The following NALCN variants were observed in gnomAD, a reference collection of about 807,000 sequenced individuals.
The protein encoded by NALCN is sodium leak channel, non-selective.
Under a neutral mutation model 225.3 loss-of-function variants are expected in NALCN, and 111 were observed. The ratio of observed to expected loss-of-function variants is 0.49; its 90% CI spans 0.42 to 0.58. The LOEUF (loss-of-function observed/expected upper bound fraction) is 0.58. Among genes scored for constraint, NALCN ranks in the 20% least tolerant of loss-of-function variants. NALCN has a pLI of 0.00. For missense variants in NALCN, 1,378 were observed against 2,202.4 expected, an observed-to-expected ratio of 0.63 and a Z score of 7.49; for synonymous variants, 764 against 769.0, an observed-to-expected ratio of 0.99 and a Z score of 0.11.
chr13:101,106,760 T>G (rs1018721213), intron 22 of NALCN, among the ~76,000 whole-genome samples: 8 of 152,344 alleles, frequency 5.3e-5, no homozygotes, highest in African/African-American at 1.9e-4. Context: ...CCACCATGAT[T>G]GAAAGGCTTC....
At chr13:101,291,412 A>C (rs1303025014) in intron 9 of NALCN, among the ~76,000 whole-genome samples, 1 of 152,186 alleles carries the variant, frequency 6.6e-6, no homozygotes, top group Non-Finnish European at 1.5e-5. Flanking sequence ...GTATGTAATA[A>C]ATGTGGTTGA....
intron 10 of NALCN, among the ~76,000 whole-genome samples, chr13:101,269,240 A>T (rs886542715): frequency 7.4e-6 from 1 of 135,918 alleles, no homozygotes. Flanking sequence ...ATATATATAT[A>T]TTTTAGCCTG....
intron 20 of NALCN, among the ~76,000 whole-genome samples, chr13:101,109,774 T>C (rs1278096187): frequency 6.6e-6 from 1 of 152,200 alleles, no homozygotes; most frequent in Non-Finnish European, 1.5e-5. Context: ...ATTTTTTTCA[T>C]GTCTCCTTCA....
chr13:101,081,710 A>C, intron 33 of NALCN, 64 bp from the exon 34 acceptor site: 1 of 1,571,748 alleles, frequency 6.4e-7, no homozygotes, highest in Non-Finnish European at 8.7e-7. Context: ...AAATGTATTA[A>C]CTTGAGATGC....
chr13:101,348,011 T>A (rs1229606007), intron 6 of NALCN, among the ~76,000 whole-genome samples: 2 of 152,248 alleles, frequency 1.3e-5, no homozygotes, highest in East Asian at 3.9e-4. Flanking sequence ...ACTATATGGA[T>A]CACCTAGTTC....
At chr13:101,058,431 C>CTTTTTTAATGA in intron 42 of NALCN, 1 of 149,838 alleles carries the variant, frequency 6.7e-6, no homozygotes, top group South Asian at 1.9e-4. Context: ...CGGGGGCAGT[C>CTTTTTTAATGA]TACTGTCACC....
rs539060675 is a variant in NALCN, at chr13:101,374,361, C to T, written c.644+2339G>A. On this transcript the variant is annotated intron_variant, in intron 6 of 43. Transcript: ENST00000251127. The stretch of plus-strand genomic sequence containing the variant: ...CGCGATCTCAGCTCACTGCAACCTC[C>T]GCCTTCTGGATTCAAGCAATTCTCT... Among the ~76,000 whole-genome samples the T allele has an allele frequency of 1.2e-4, 18 of 150,902 alleles. No individual in the cohort carries two copies. The South Asian group carries it at 1.5e-3, about 12-fold the overall frequency.
Position 101,337,808 on chromosome 13 carries a change from C to T in NALCN, c.799+7458G>A, listed in dbSNP as rs868076601. Among the ~76,000 whole-genome samples, 11 of 152,262 alleles carry T rather than the reference C, an allele frequency of 7.2e-5. No homozygotes were observed. In the South Asian group the frequency reaches 1.7e-3, roughly 23 times the overall value. On this transcript the variant is annotated intron_variant, in intron 7 of 43. Transcript: ENST00000251127. ...TACTCATGGCTGGCTACTCTGGTAA[C>T]GTAGTAGTTTGTAGATCAAGAGCAC...
intron 26 of NALCN, among the ~76,000 whole-genome samples, 178 bp from the exon 27 acceptor site, chr13:101,101,066 AG>A (rs1338905212): frequency 6.6e-6 from 1 of 152,172 alleles, no homozygotes; most frequent in Non-Finnish European, 1.5e-5. Flanking sequence ...GAAGGTCAAA[AG>A]GAGAAAATTA....
At chr13:101,260,365 T>C (rs1313872877) in intron 10 of NALCN, among the ~76,000 whole-genome samples, 2 of 152,228 alleles carry the variant, frequency 1.3e-5, no homozygotes, top group African/African-American at 4.8e-5. Flanking sequence ...TATACTTATT[T>C]CCTTTCTTTT....
At chr13:101,150,057 T>A (rs1258066393) in intron 15 of NALCN, among the ~76,000 whole-genome samples, 1 of 148,506 alleles carries the variant, frequency 6.7e-6, no homozygotes, top group Non-Finnish European at 1.5e-5. Flanking sequence ...TTTATTTAAA[T>A]ATTTGAATGA....
At chr13:101,345,749 T>C (rs1594715609) in intron 6 of NALCN, among the ~76,000 whole-genome samples, 1 of 116,678 alleles carries the variant, frequency 8.6e-6, no homozygotes, top group South Asian at 2.7e-4. Context: ...TATATATATA[T>C]ATATATATAT....
At chr13:101,176,629 A>C (rs1481849750) in intron 14 of NALCN, among the ~76,000 whole-genome samples, 1 of 152,252 alleles carries the variant, frequency 6.6e-6, no homozygotes, top group Non-Finnish European at 1.5e-5. Flanking sequence ...ATTAAGAAAA[A>C]GGTTTTTTTG....
chr13:101,089,975 C>G lies in NALCN; in HGVS notation c.3270-9G>C. ...AGTTCCGAGGATTCGCCCTGCGATT[C>G]CAATACAGGAATGTTCTGTGAAATT... On this transcript the variant is annotated splice_polypyrimidine_tract_variant and intron_variant, in intron 28 of 43. Coordinates refer to ENST00000251127, the MANE Select transcript of NALCN (RefSeq NM_052867.4). This position sits in a 1 kb window ranked among gnomAD's most constrained non-coding sequence, Gnocchi z 4.7. 6.2e-7 allele frequency: 1 copy of G among 1,613,796 alleles called. No homozygotes were observed. The highest frequency in any genetic ancestry group is 8.5e-7 in the Non-Finnish European group (1 of 1,179,814).
intron 2 of NALCN, among the ~76,000 whole-genome samples, chr13:101,397,585 TATGTGTA>T (rs2047350931): frequency 6.6e-6 from 1 of 151,230 alleles, no homozygotes; most frequent in South Asian, 2.1e-4. Context: ...CATATATGTG[TATGTGTA>T]ATGTGTATAT....
At chr13:101,086,623 C>T (rs1446952388) in intron 30 of NALCN, among the ~76,000 whole-genome samples, 2 of 152,046 alleles carry the variant, frequency 1.3e-5, no homozygotes, top group Admixed American at 1.3e-4. Context: ...TTTCCTTATA[C>T]ATTCACTTGA....
intron 1 of NALCN, among the ~76,000 whole-genome samples, chr13:101,415,056 G>C (rs1425273488): frequency 6.7e-6 from 1 of 148,354 alleles, no homozygotes; most frequent in East Asian, 1.9e-4. Flanking sequence ...GGGAAGCCAT[G>C]ATTTTTATTT....
intron 15 of NALCN, among the ~76,000 whole-genome samples, chr13:101,163,780 C>CA (rs756476157): frequency 6.6e-6 from 1 of 152,012 alleles, no homozygotes; most frequent in East Asian, 1.9e-4. Context: ...CACAAAGTTC[C>CA]AAAAAACTGG....
intron 37 of NALCN, among the ~76,000 whole-genome samples, chr13:101,070,657 C>CT (rs2032808444): frequency 6.6e-6 from 1 of 152,158 alleles, no homozygotes; most frequent in South Asian, 2.1e-4. Context: ...TGAAAGCAAT[C>CT]TTTTTTTTCT....
Sources: allele counts gnomAD v4.1 joint callset (sites outside exome capture counted in the v4.1 genomes callset), GRCh38; gene constraint gnomAD v4.1.1; non-coding constraint Gnocchi (gnomAD v3.1); transcripts MANE v1.5; gene names NCBI Gene and HGNC (gene_info 2026-07-23, HGNC 2026-07-21).